LTBP2: variants seen among roughly 807,000 people sequenced by gnomAD.
LTBP2 encodes the protein latent transforming growth factor beta binding protein 2.
LTBP2 carries 103 observed loss-of-function variants against 210.6 expected under a neutral mutation model. The observed-to-expected ratio is 0.49, with a 90% confidence interval of 0.42 to 0.58. LTBP2 has a LOEUF of 0.58. LTBP2 is among the 20% of genes least tolerant of loss of function. The pLI, the probability that LTBP2 is intolerant of heterozygous loss-of-function variation, is 0.00. For synonymous variants in LTBP2, 1,007 were observed against 1,015.0 expected (o/e 0.99, Z 0.15); for missense variants, 2,313 against 2,494.5 (o/e 0.93, Z 1.55).
chr14:74,596,922 A>G (rs2088373703), intron 2 of LTBP2, among the ~76,000 whole-genome samples: 1 of 150,326 alleles, frequency 6.7e-6, no homozygotes, highest in Middle Eastern at 3.4e-3. Flanking sequence ...GATGTTGAGC[A>G]GGCAGCAGAT....
At chr14:74,537,656 A>G (rs542998454) in intron 8 of LTBP2, among the ~76,000 whole-genome samples, 1 of 152,328 alleles carries the variant, frequency 6.6e-6, no homozygotes, top group African/African-American at 2.4e-5. Flanking sequence ...GCTAAAGCTT[A>G]TTGTCATCCA....
intron 4 of LTBP2, among the ~76,000 whole-genome samples, chr14:74,554,611 T>C (rs896938323): frequency 1.3e-4 from 20 of 152,016 alleles, no homozygotes; most frequent in African/African-American, 4.8e-4. Flanking sequence ...GATATGCAAA[T>C]CTATAGAGAC....
chr14:74,501,386 G>T, intron 35 of LTBP2, 55 bp downstream of exon 35: 1 of 1,613,190 alleles, frequency 6.2e-7, no homozygotes, highest in East Asian at 2.2e-5. Flanking sequence ...CTGAGTTCAG[G>T]CGTCTCTGTG....
chr14:74,505,076 C>T lies in LTBP2; in HGVS notation c.4276G>A (p.Val1426Ile), dbSNP rs1264842090. 1.9e-6 allele frequency: 3 copies of T among 1,614,038 alleles called. No homozygotes were observed. Among genetic ancestry groups the T allele is most frequent in the East Asian group, 2.2e-5 (1 of 44,886 alleles). The change falls in exon 29 of 36, where the codon GTC becomes ATC. Residue 1426 changes from valine to isoleucine, a missense_variant. By Grantham distance (29) the Val-to-Ile change is conservative. This residue lies in a region of LTBP2 where 1,867 missense variants were observed against 1,976.9 expected (regional missense o/e 0.94). Coordinates refer to ENST00000261978, the MANE Select transcript of LTBP2 (RefSeq NM_000428.3). ...GQKGHAPCSSVLGRNTTQAEC... is the reference protein window; with the variant it reads ...GQKGHAPCSSILGRNTTQAEC... The stretch of plus-strand genomic sequence containing the variant: ...GCCTGTGTGGTGTTCCGGCCCAGGA[C>T]ACTGGAGCAGGGCGCATGGCCCTTC...
intron 2 of LTBP2, among the ~76,000 whole-genome samples, chr14:74,594,866 G>A (rs1290846817): frequency 6.6e-6 from 1 of 152,146 alleles, no homozygotes; most frequent in East Asian, 1.9e-4. Context: ...CTCTGCCCAG[G>A]GGCTGTGTCT....
intron 1 of LTBP2, among the ~76,000 whole-genome samples, chr14:74,608,216 G>A (rs2088555452): frequency 6.6e-6 from 1 of 151,866 alleles, no homozygotes; most frequent in Non-Finnish European, 1.5e-5. Flanking sequence ...CACCGCGCCC[G>A]GCCAAAACTA....
chr14:74,528,770 T>C (rs2087311235), intron 11 of LTBP2, 72 bp from the exon 12 acceptor site: 1 of 1,571,022 alleles, frequency 6.4e-7, no homozygotes, highest in Admixed American at 1.7e-5. Context: ...TTCCTTTCCC[T>C]CCCTTTGGGA....
chr14:74,567,456 G>A (rs776026392), intron 3 of LTBP2, among the ~76,000 whole-genome samples: 2 of 152,184 alleles, frequency 1.3e-5, no homozygotes, highest in South Asian at 2.1e-4. Flanking sequence ...GGCCACCTCA[G>A]GGGCAGAGGC....
At chr14:74,564,235 ATATATATT>A (rs1426837128) in intron 3 of LTBP2, among the ~76,000 whole-genome samples, 5 of 32,220 alleles carry the variant, frequency 1.6e-4, no homozygotes, top group South Asian at 1.5e-3. Flanking sequence ...ATATATATTT[ATATATATT>A]TATATATATT....
intron 3 of LTBP2, among the ~76,000 whole-genome samples, chr14:74,559,106 A>G (rs2087762458): frequency 6.6e-6 from 1 of 152,236 alleles, no homozygotes; most frequent in South Asian, 2.1e-4. Context: ...AACAAGGAGG[A>G]AAAAAGGAGT....
chr14:74,539,321 C>T (rs1359793260), intron 8 of LTBP2, among the ~76,000 whole-genome samples: 2 of 152,180 alleles, frequency 1.3e-5, no homozygotes, highest in East Asian at 3.8e-4. Flanking sequence ...TTTCTCCTAC[C>T]TTCCACTGTG....
chr14:74,585,802 C>T, intron 3 of LTBP2, 52 bp downstream of exon 3: 1 of 1,613,598 alleles, frequency 6.2e-7, no homozygotes, highest in East Asian at 2.2e-5. Context: ...AGAAGCCCCT[C>T]CAAAAAGAGA....
chr14:74,608,790 A>G (rs1289596542), intron 1 of LTBP2, among the ~76,000 whole-genome samples: 1 of 152,138 alleles, frequency 6.6e-6, no homozygotes, highest in African/African-American at 2.4e-5. Context: ...TGTAGACTGT[A>G]AATTTCATTA....
At position 74,511,255 on chromosome 14, in the gene LTBP2, C is replaced by T; in HGVS notation, c.3018G>A (p.Gly1006=). The T allele has an allele frequency of 6.2e-7, 1 of 1,613,906 alleles. No homozygotes were observed. Among genetic ancestry groups the T allele is most frequent in the Non-Finnish European group, 8.5e-7 (1 of 1,179,954 alleles). The change falls in exon 19 of 36, where the codon GGG becomes GGA. Residue 1006 remains glycine, a synonymous_variant. Transcript: ENST00000261978. ...GCCAGCAGCCCTCACCTACACAGCT[C>T]CCACTCTGGCCCCGGTAGCCCTCCT... The part of the protein sequence containing the change: ...ACEEGYRGQS[G]SCVDVNECLT...
In LTBP2 at chr14:74,547,729, C is replaced by A. The variant is rs532561474; in HGVS notation, c.1789+2134G>T. 3.2e-4 allele frequency among the ~76,000 whole-genome samples: 48 copies of A among 152,208 alleles called. No individual in the cohort carries two copies. In the East Asian group the frequency reaches 8.1e-3, roughly 26 times the overall value. ...GTCAGGAGGTCCCAGGGCAGGTCAGCACCTTGGTCAGCGCAGCAGGTACTG... is the reference window on the plus strand; with the variant it reads ...GTCAGGAGGTCCCAGGGCAGGTCAGAACCTTGGTCAGCGCAGCAGGTACTG... On this transcript the variant is annotated intron_variant, in intron 8 of 35. Transcript: ENST00000261978.
chr14:74,546,804 G>C (rs1287623748), intron 8 of LTBP2, among the ~76,000 whole-genome samples: 1 of 152,258 alleles, frequency 6.6e-6, no homozygotes, highest in East Asian at 1.9e-4. Flanking sequence ...TTGGGCATCA[G>C]GTGGGCTGAG....
Position 74,545,275 on chromosome 14 carries a change from T to C in LTBP2, c.1789+4588A>G, listed in dbSNP as rs138871818. 5.3e-5 allele frequency among the ~76,000 whole-genome samples: 8 copies of C among 152,326 alleles called. No individual in the cohort carries two copies. In the East Asian group the frequency reaches 1.5e-3, roughly 29 times the overall value. On this transcript the variant is annotated intron_variant, in intron 8 of 35. Coordinates refer to ENST00000261978, the MANE Select transcript of LTBP2 (RefSeq NM_000428.3). Reference sequence around the variant, plus strand: ...TCCTCAGCCTTCTTGGAGCTCCATTTTCCTCATCCATCAAATAGGGTTAAA... The same window carrying C: ...TCCTCAGCCTTCTTGGAGCTCCATTCTCCTCATCCATCAAATAGGGTTAAA...
Position 74,503,207 on chromosome 14 carries a change from G to T in LTBP2, c.4888+12C>A. 6.2e-7 allele frequency: 1 copy of T among 1,613,532 alleles called. No individual in the cohort carries two copies. The highest frequency in any genetic ancestry group is 8.5e-7 in the Non-Finnish European group (1 of 1,179,950). ...CCCAGCCCTGCAGGGTATCCCCTTT[G>T]CTCCCCCTCACCAGAGCTCCTCGGG... is the stretch of plus-strand genomic sequence containing the variant. On this transcript the variant is annotated intron_variant, in intron 33 of 35. Coordinates refer to ENST00000261978, the MANE Select transcript of LTBP2 (RefSeq NM_000428.3).
chr14:74,609,771 A>G (rs1342678517), intron 1 of LTBP2, among the ~76,000 whole-genome samples: 3 of 152,216 alleles, frequency 2.0e-5, no homozygotes, highest in Admixed American at 2.0e-4. Flanking sequence ...CCAGTACTAG[A>G]AAGCATCTGT....
Sources: allele counts gnomAD v4.1 joint callset (sites outside exome capture counted in the v4.1 genomes callset), GRCh38; gene constraint gnomAD v4.1.1; regional missense constraint gnomAD v4.1.1; transcripts MANE v1.5; gene names NCBI Gene and HGNC (gene_info 2026-07-23, HGNC 2026-07-21).